The following NT5DC1 variants were observed in gnomAD, a reference collection of about 807,000 sequenced individuals.
NT5DC1 encodes 5'-nucleotidase domain containing 1, also known as 5'-nucleotidase domain-containing protein 1.
Under a neutral mutation model 59.4 loss-of-function variants are expected in NT5DC1, and 42 were observed. The ratio of observed to expected loss-of-function variants is 0.71; its 90% CI spans 0.55 to 0.92. The LOEUF is 0.92. NT5DC1 is among the 40% of genes least tolerant of loss of function. The pLI is 0.00. For missense variants in NT5DC1, 501 were observed against 537.1 expected (o/e 0.93, Z 0.66); for synonymous variants, 172 against 188.1 (o/e 0.91, Z 0.70).
chr6:116,197,807 A>C (rs142947172), intron 6 of NT5DC1, among the ~76,000 whole-genome samples: 97 of 152,206 alleles, frequency 6.4e-4, no homozygotes, highest in African/African-American at 2.1e-3. Context: ...GCGCTAGGTA[A>C]ACATTTCTTC....
chr6:116,120,102 A>G lies in NT5DC1; in HGVS notation c.529+2157A>G, dbSNP rs1779063556. 2 of 1,614,008 alleles carry G rather than the reference A, an allele frequency of 1.2e-6. No homozygotes were observed. Among genetic ancestry groups the G allele is most frequent in the Non-Finnish European group, 1.7e-6 (2 of 1,179,986 alleles). On this transcript the variant is annotated intron_variant, in intron 6 of 11. Transcript: ENST00000319550. ...ATTGGAGCCACTAGGAATCCTGAGA[A>G]AGAGGAGTGGACATACTCAGAGGAG...
chr6:116,114,579 A>G (rs1006352845), intron 4 of NT5DC1, among the ~76,000 whole-genome samples: 32 of 151,274 alleles, frequency 2.1e-4, no homozygotes, highest in African/African-American at 7.6e-4. Flanking sequence ...GATGTATTCA[A>G]GCACCTTATT....
chr6:116,110,193 A>C (rs977037166), intron 3 of NT5DC1, among the ~76,000 whole-genome samples: 1 of 152,262 alleles, frequency 6.6e-6, no homozygotes, highest in East Asian at 1.9e-4. Flanking sequence ...ATAAGGGGGA[A>C]CTACCATATT....
chr6:116,218,681 T>TA (rs1252384707), intron 6 of NT5DC1, among the ~76,000 whole-genome samples: 1 of 152,166 alleles, frequency 6.6e-6, no homozygotes, highest in Non-Finnish European at 1.5e-5. Context: ...TCTGGCATGT[T>TA]AAAAATAGAT....
At chr6:116,154,794 G>C (rs1008510012) in intron 6 of NT5DC1, among the ~76,000 whole-genome samples, 1 of 152,128 alleles carries the variant, frequency 6.6e-6, no homozygotes, top group Non-Finnish European at 1.5e-5. Flanking sequence ...TTACGCCTCA[G>C]GATTAATAAC....
chr6:116,176,629 G>C (rs991898511), intron 6 of NT5DC1, among the ~76,000 whole-genome samples: 1 of 152,186 alleles, frequency 6.6e-6, no homozygotes, highest in Non-Finnish European at 1.5e-5. Flanking sequence ...AAGCAGTCTT[G>C]TGCCCATAAT....
rs530928496 is a variant in NT5DC1 at position 116,166,940 on chromosome 6, C to A, written c.529+48995C>A. Reference sequence around the variant, plus strand: ...GAATTGAGCCAAGGAAGTATCTTGCCTTCCTTTCTTGTCTTTATTAATTGT... The same window carrying A: ...GAATTGAGCCAAGGAAGTATCTTGCATTCCTTTCTTGTCTTTATTAATTGT... On this transcript the variant is annotated intron_variant, in intron 6 of 11. Coordinates refer to ENST00000319550, the MANE Select transcript of NT5DC1 (RefSeq NM_152729.3). Among the ~76,000 whole-genome samples the A allele has an allele frequency of 6.6e-5, 10 of 152,158 alleles. No individual in the cohort carries two copies. The South Asian group carries it at 2.1e-3, about 32-fold the overall frequency.
chr6:116,212,853 T>A (rs1268962883), intron 6 of NT5DC1, among the ~76,000 whole-genome samples: 1 of 152,170 alleles, frequency 6.6e-6, no homozygotes, highest in Non-Finnish European at 1.5e-5. Flanking sequence ...TACTTGTTAA[T>A]TTTGGATTTC....
intron 6 of NT5DC1, among the ~76,000 whole-genome samples, chr6:116,197,845 T>C (rs1216031162): frequency 1.3e-5 from 2 of 152,064 alleles, no homozygotes; most frequent in Non-Finnish European, 2.9e-5. Context: ...TGAGAAGCGT[T>C]TACATGTACC....
intron 2 of NT5DC1, 81 bp from the exon 3 acceptor site, chr6:116,108,283 G>A: frequency 2.3e-6 from 2 of 859,300 alleles, no homozygotes; most frequent in South Asian, 2.7e-5. Flanking sequence ...TTAGCATTAT[G>A]ATGTTTGGAA....
intron 6 of NT5DC1, among the ~76,000 whole-genome samples, chr6:116,211,525 T>C (rs1043272867): frequency 1.6e-4 from 24 of 152,200 alleles, no homozygotes; most frequent in Middle Eastern, 6.8e-3. Flanking sequence ...TGTTTTTATA[T>C]TGTATATTTG....
At chr6:116,164,242 A>G (rs2114435275) in intron 6 of NT5DC1, among the ~76,000 whole-genome samples, 1 of 152,256 alleles carries the variant, frequency 6.6e-6, no homozygotes, top group East Asian at 1.9e-4. Flanking sequence ...TAGGTGTAGT[A>G]GTACTTTTAT....
At chr6:116,163,541 C>A (rs1244806446) in intron 6 of NT5DC1, among the ~76,000 whole-genome samples, 1 of 151,806 alleles carries the variant, frequency 6.6e-6, no homozygotes, top group Non-Finnish European at 1.5e-5. Flanking sequence ...AGTAGTCTAT[C>A]AATTTTTGTT....
chr6:116,233,680 A>G (rs1032197934), intron 8 of NT5DC1, among the ~76,000 whole-genome samples: 2 of 152,196 alleles, frequency 1.3e-5, no homozygotes, highest in African/African-American at 2.4e-5. Context: ...GGCTCTTACT[A>G]TAACATTTCA....
intron 8 of NT5DC1, among the ~76,000 whole-genome samples, chr6:116,225,358 A>G (rs1422975664): frequency 6.6e-6 from 1 of 152,246 alleles, no homozygotes; most frequent in East Asian, 1.9e-4. Context: ...GGATTATATG[A>G]AACCAAATAT....
At chr6:116,163,727 A>G (rs1582845904) in intron 6 of NT5DC1, among the ~76,000 whole-genome samples, 1 of 152,176 alleles carries the variant, frequency 6.6e-6, no homozygotes, top group African/African-American at 2.4e-5. Flanking sequence ...TTTGAGATCT[A>G]TCTTTTTGAT....
intron 6 of NT5DC1, among the ~76,000 whole-genome samples, chr6:116,200,394 G>A (rs763953398): frequency 3.3e-5 from 5 of 151,868 alleles, no homozygotes; most frequent in Admixed American, 1.3e-4. Context: ...ATGAAGTGAG[G>A]ACTTTAGTTA....
Position 116,249,400 on chromosome 6 carries a change from C to T in NT5DC1, c.*5376C>T, listed in dbSNP as rs773719728. 9.9e-5 allele frequency: 15 copies of T among 152,242 alleles called. No individual in the cohort carries two copies. The highest frequency in any genetic ancestry group is 2.2e-4 in the Non-Finnish European group (15 of 68,038). The allele number at this position is 152,242 out of a possible 1,614,324, so 9.4% of individuals were successfully genotyped here. A position where few individuals can be genotyped will look rare whatever the true frequency, so the allele number is the denominator to read the frequency against. On this transcript the variant is annotated 3_prime_UTR_variant, in exon 12 of 12. Coordinates refer to ENST00000319550, the MANE Select transcript of NT5DC1 (RefSeq NM_152729.3). ...TGTAGCATCCACAAAGCCCTCCTTA[C>T]TGCAGAGAATGCAGAGGTATTTATC...
rs1243127664 is a variant in NT5DC1 at position 116,115,687 on chromosome 6, T to C, written c.365-4T>C. The C allele has an allele frequency of 1.3e-6, 2 of 1,540,464 alleles. No individual in the cohort carries two copies. The highest frequency in any genetic ancestry group is 2.7e-5 in the African/African-American group (2 of 73,486). ...TCCCAGTTTAAAATTTTGTTCTTTTTTAGGAAAGTATTACTTTTACGACAA... is the reference window on the plus strand; with the variant it reads ...TCCCAGTTTAAAATTTTGTTCTTTTCTAGGAAAGTATTACTTTTACGACAA... On this transcript the variant is annotated splice_polypyrimidine_tract_variant and splice_region_variant and intron_variant, in intron 4 of 11. Transcript: ENST00000319550.
Sources: gnomAD v4.1 joint callset for allele counts (sites outside exome capture counted in the v4.1 genomes callset) on GRCh38, gnomAD v4.1.1 for gene constraint, MANE v1.5 for transcripts, NCBI Gene and HGNC (gene_info 2026-07-23, HGNC 2026-07-21) for gene names.